SCAF11: variants seen among roughly 807,000 people sequenced by gnomAD.
The protein encoded by SCAF11 is protein SCAF11.
SCAF11 carries 47 observed loss-of-function variants against 140.5 expected under a neutral mutation model. The observed-to-expected ratio is 0.33, with a 90% CI of 0.26 to 0.43. The LOEUF is 0.43. Among genes scored for constraint, SCAF11 ranks in the 20% least tolerant of loss-of-function variants. The probability of loss-of-function intolerance (pLI) is 1.00; values close to 1 mark genes in which losing one functional copy is unlikely to be tolerated. For synonymous variants in SCAF11, 557 were observed against 579.4 expected, an observed-to-expected ratio of 0.96 and a Z score of 0.55; for missense variants, 1,645 against 1,705.1, an observed-to-expected ratio of 0.96 and a Z score of 0.62.
At chr12:45,959,358 A>G (rs1305457634) in intron 3 of SCAF11, among the ~76,000 whole-genome samples, 2 of 152,350 alleles carry the variant, frequency 1.3e-5, no homozygotes, top group East Asian at 3.9e-4. Flanking sequence ...CTATCCCTTG[A>G]CGTACTTAAA....
chr12:45,932,961 G>A (rs189659962), intron 9 of SCAF11, among the ~76,000 whole-genome samples, 170 bp downstream of exon 9: 1 of 152,088 alleles, frequency 6.6e-6, no homozygotes, highest in African/African-American at 2.4e-5. Flanking sequence ...CTTTCTAAGG[G>A]GTCCTTTATA....
At chr12:45,938,296 C>T (rs984794314) in intron 6 of SCAF11, among the ~76,000 whole-genome samples, 1 of 152,092 alleles carries the variant, frequency 6.6e-6, no homozygotes, top group Non-Finnish European at 1.5e-5. Flanking sequence ...TCGAGACCAG[C>T]CTGGCCAACA....
intron 1 of SCAF11, among the ~76,000 whole-genome samples, chr12:45,988,168 G>T (rs1223121407): frequency 1.3e-5 from 2 of 152,152 alleles, no homozygotes; most frequent in South Asian, 2.1e-4. Flanking sequence ...CACTGGGCAA[G>T]GTAAGTCAAG....
chr12:45,928,590 C>A lies in SCAF11; in HGVS notation c.1111G>T (p.Ala371Ser), dbSNP rs142844694. The change falls in exon 11 of 15, where the codon GCT (alanine) becomes TCT (serine). Residue 371 changes from alanine to serine, a missense_variant. By Grantham distance (99) the Ala-to-Ser change is moderately conservative (BLOSUM62 1). This residue lies in a region of SCAF11 where 1,582 missense variants were observed against 1,609.2 expected (regional missense o/e 0.98). Coordinates refer to ENST00000369367, the MANE Select transcript of SCAF11 (RefSeq NM_004719.3). ...SAESEKQTRQ[A>S]PKRKSVRRGR... ...CTTCTTACAGACTTCCGTTTTGGAG[C>A]CTGTCTTGTTTGCTTTTCTGACTCA... 3.1e-6 allele frequency: 5 copies of A among 1,614,026 alleles called. No homozygotes were observed. The Admixed American group carries it at 5.0e-5, about 16-fold the overall frequency.
At chr12:45,930,655 T>G (rs566266757) in intron 10 of SCAF11, among the ~76,000 whole-genome samples, 2 of 152,174 alleles carry the variant, frequency 1.3e-5, no homozygotes, top group Non-Finnish European at 2.9e-5. Context: ...TATGATTTAA[T>G]ACTGTATCTT....
rs908205501 is a variant in SCAF11 at position 45,920,270 on chromosome 12, C to T, written c.*1778G>A. On this transcript the variant is annotated 3_prime_UTR_variant, in exon 15 of 15. Transcript: ENST00000369367. ...GGACCAACATTTCAAAATATTTTGC[C>T]TATCAAAGCTAGCACCAGGAAAAGT... 2.0e-5 allele frequency: 3 copies of T among 152,138 alleles called. No homozygotes were observed. Among genetic ancestry groups the T allele is most frequent in the Non-Finnish European group, 4.4e-5 (3 of 68,022 alleles). The allele number at this position is 152,138 out of a possible 1,614,324, so 9.4% of individuals were successfully genotyped here.
Position 45,972,280 on chromosome 12 carries a change from C to T in SCAF11, c.-21-8092G>A, listed in dbSNP as rs534390651. On this transcript the variant is annotated intron_variant, in intron 1 of 14. Transcript: ENST00000369367. ...AACCTGAACCCAACTGGATCAACTG[C>T]CTGTAAAAATAAAAATATTGGCTGG... Among the ~76,000 whole-genome samples, 8 of 152,130 alleles carry T rather than the reference C, an allele frequency of 5.3e-5. No individual in the cohort carries two copies. The South Asian group carries it at 1.4e-3, about 28-fold the overall frequency.
intron 6 of SCAF11, among the ~76,000 whole-genome samples, chr12:45,941,717 G>C (rs1945305710): frequency 6.6e-6 from 1 of 152,152 alleles, no homozygotes; most frequent in African/African-American, 2.4e-5. Flanking sequence ...AGTCAACCCT[G>C]ACTTCCTTCT....
chr12:45,933,023 T>C, intron 9 of SCAF11, 108 bp downstream of exon 9: 2 of 715,378 alleles, frequency 2.8e-6, no homozygotes, highest in Non-Finnish European at 4.4e-6. Context: ...TGCACAAAAC[T>C]TCCTTAGGAA....
chr12:45,966,082 A>C (rs1945939805), intron 1 of SCAF11, among the ~76,000 whole-genome samples: 4 of 152,182 alleles, frequency 2.6e-5, no homozygotes, highest in Admixed American at 2.6e-4. Context: ...TCTGGTGCAA[A>C]CTAACTTGTT....
At position 45,926,639 on chromosome 12, in the gene SCAF11, G is replaced by C. The variant is rs1247255294; in HGVS notation, c.3062C>G (p.Pro1021Arg). The change falls in exon 11 of 15, where the codon CCC (proline) becomes CGC (arginine). Residue 1021 changes from proline (P) to arginine (R), a missense_variant. By Grantham distance (103) the Pro-to-Arg change is moderately radical (BLOSUM62 -2). Around this residue, in one of 2 missense-constraint regions of SCAF11, gnomAD observed 1,582 missense variants for 1,609.2 expected, o/e 0.98. Coordinates refer to ENST00000369367, the MANE Select transcript of SCAF11 (RefSeq NM_004719.3). The part of the protein sequence containing the change: ...NSADKHRNDC[P>R]NWITEKINSG... ...GTTTATTTTTTCTGTTATCCAATTG[G>C]GACAGTCATTTCTATGTTTGTCAGC... is the stretch of plus-strand genomic sequence containing the variant. The C allele has an allele frequency of 5.6e-6, 9 of 1,613,646 alleles. No individual in the cohort carries two copies. The highest frequency in any genetic ancestry group is 1.1e-5 in the South Asian group (1 of 91,062).
intron 6 of SCAF11, among the ~76,000 whole-genome samples, chr12:45,944,251 A>G (rs1945369973): frequency 6.6e-6 from 1 of 152,246 alleles, no homozygotes; most frequent in South Asian, 2.1e-4. Flanking sequence ...GACTGTTTTC[A>G]TATCTAAAGC....
chr12:45,962,766 C>T (rs764509463), intron 2 of SCAF11, among the ~76,000 whole-genome samples: 4 of 152,194 alleles, frequency 2.6e-5, no homozygotes, highest in Non-Finnish European at 5.9e-5. Context: ...ACTCCAGTAT[C>T]AAGCCAAGAC....
upstream of SCAF11, chr12:45,990,579 T>G: frequency 9.0e-6 from 11 of 1,224,744 alleles, no homozygotes; most frequent in Non-Finnish European, 1.1e-5. Flanking sequence ...CTACTCCCCC[T>G]TCCCCCGCCT....
chr12:45,923,703 G>T (rs1248591784), intron 12 of SCAF11, among the ~76,000 whole-genome samples: 2 of 151,952 alleles, frequency 1.3e-5, no homozygotes, highest in Non-Finnish European at 2.9e-5. Context: ...TTTATTTAGA[G>T]ACGAAGTCTC....
chr12:45,936,358 T>A (rs1206380526), intron 6 of SCAF11, among the ~76,000 whole-genome samples: 1 of 152,092 alleles, frequency 6.6e-6, no homozygotes, highest in Non-Finnish European at 1.5e-5. Context: ...GTGAGGCTGG[T>A]CTTGAACTCC....
intron 1 of SCAF11, among the ~76,000 whole-genome samples, chr12:45,980,354 A>T (rs1946322342): frequency 6.6e-6 from 1 of 152,174 alleles, no homozygotes; most frequent in African/African-American, 2.4e-5. Flanking sequence ...GGAATGCCCA[A>T]TTATTTATGG....
chr12:45,945,012 T>G lies in SCAF11; in HGVS notation c.463+237A>C, dbSNP rs749500413. On this transcript the variant is annotated intron_variant, in intron 6 of 14. Coordinates refer to ENST00000369367, the MANE Select transcript of SCAF11 (RefSeq NM_004719.3). ...ACACCAAGAAATTGTGAAACACTCTTTTCTCCCAACACACGCACACACACA... is the reference window on the plus strand; with the variant it reads ...ACACCAAGAAATTGTGAAACACTCTGTTCTCCCAACACACGCACACACACA... 19 of 475,130 alleles carry G rather than the reference T, an allele frequency of 4.0e-5. 1 individual carries two copies. Among genetic ancestry groups the G allele is most frequent in the Non-Finnish European group, 6.6e-5 (18 of 272,502 alleles). 29.4% of individuals were successfully genotyped at this position (475,130 alleles called of 1,614,324 possible).
At chr12:45,935,941 C>T (rs1341782465) in intron 6 of SCAF11, among the ~76,000 whole-genome samples, 1 of 152,098 alleles carries the variant, frequency 6.6e-6, no homozygotes, top group East Asian at 1.9e-4. Flanking sequence ...AGTGATACGC[C>T]TTTTCATTTA....
Sources: gnomAD v4.1 joint callset for allele counts (sites outside exome capture counted in the v4.1 genomes callset) on GRCh38, gnomAD v4.1.1 for gene constraint, gnomAD v4.1.1 regional missense constraint, MANE v1.5 for transcripts, NCBI Gene and HGNC (gene_info 2026-07-23, HGNC 2026-07-21) for gene names.